The following C10orf67 variants were observed in gnomAD, a reference collection of about 807,000 sequenced individuals.
C10orf67 encodes the protein chromosome 10 open reading frame 67.
C10orf67 carries 60 observed loss-of-function variants against 35.6 expected under a neutral mutation model. That is an observed-to-expected ratio of 1.68 (90% CI 1.37 to 2.09). The LOEUF is 2.09. Ranked by LOEUF, C10orf67 falls within the 30% of genes most tolerant of loss-of-function variation. C10orf67 has a pLI of 0.00. For synonymous variants in C10orf67, 167 were observed against 115.8 expected (o/e 1.44, Z -2.84); for missense variants, 474 against 330.2 (o/e 1.44, Z -3.38).
intron 10 of C10orf67, among the ~76,000 whole-genome samples, chr10:23,256,795 A>G (rs1240030835): frequency 6.6e-6 from 1 of 152,254 alleles, no homozygotes; most frequent in East Asian, 1.9e-4. Context: ...ATCAGCAGCT[A>G]CTACAGGAAA....
chr10:23,325,308 A>C (rs1232036281), intron 2 of C10orf67, among the ~76,000 whole-genome samples: 2 of 152,030 alleles, frequency 1.3e-5, no homozygotes, highest in African/African-American at 4.8e-5. Context: ...ACTGCATTCC[A>C]CCCTGGGCAA....
chr10:23,343,050 TAAAC>T (rs1845967257), intron 1 of C10orf67, among the ~76,000 whole-genome samples: 1 of 152,148 alleles, frequency 6.6e-6, no homozygotes, highest in African/African-American at 2.4e-5. Context: ...ATTATCCAAA[TAAAC>T]AACAAAGCTA....
chr10:23,204,859 G>T (rs1841116606), intron 15 of C10orf67, among the ~76,000 whole-genome samples: 1 of 152,158 alleles, frequency 6.6e-6, no homozygotes, highest in Non-Finnish European at 1.5e-5. Flanking sequence ...AAGCGTTGGG[G>T]GTCTGAGACA....
chr10:23,297,679 G>C (rs1488141305), intron 5 of C10orf67, among the ~76,000 whole-genome samples: 3 of 152,188 alleles, frequency 2.0e-5, no homozygotes, highest in African/African-American at 7.2e-5. Context: ...GAGCGGCATA[G>C]GTTTGAGCAA....
intron 4 of C10orf67, among the ~76,000 whole-genome samples, chr10:23,305,020 C>G (rs1402494516): frequency 6.6e-6 from 1 of 152,148 alleles, no homozygotes; most frequent in Non-Finnish European, 1.5e-5. Flanking sequence ...TGGAGGCAAT[C>G]TTATCAGCTT....
intron 1 of C10orf67, among the ~76,000 whole-genome samples, chr10:23,340,681 C>G (rs1845851593): frequency 6.6e-6 from 1 of 152,182 alleles, no homozygotes; most frequent in South Asian, 2.1e-4. Context: ...TTCCAAATGT[C>G]TCTAATTTTA....
At chr10:23,307,145 CA>C (rs1451033307) in intron 4 of C10orf67, among the ~76,000 whole-genome samples, 9 of 151,714 alleles carry the variant, frequency 5.9e-5, no homozygotes, top group South Asian at 2.1e-4. Context: ...ATTACAAAAC[CA>C]AAAAAAGGAT....
chr10:23,224,154 T>C (rs2132108150), intron 13 of C10orf67, among the ~76,000 whole-genome samples: 1 of 152,296 alleles, frequency 6.6e-6, no homozygotes, highest in East Asian at 1.9e-4. Flanking sequence ...ACACCCCACA[T>C]GGCTGGGTAC....
intron 15 of C10orf67, among the ~76,000 whole-genome samples, chr10:23,214,260 T>G (rs1211707167): frequency 6.6e-6 from 1 of 152,126 alleles, no homozygotes; most frequent in African/African-American, 2.4e-5. Context: ...CATAAGAGAT[T>G]AGGCATACAA....
At chr10:23,265,389 A>G (rs144408640) in intron 10 of C10orf67, among the ~76,000 whole-genome samples, 2 of 152,364 alleles carry the variant, frequency 1.3e-5, no homozygotes, top group African/African-American at 2.4e-5. Flanking sequence ...TGCCCTGTGT[A>G]GGAGAAGAAG....
intron 8 of C10orf67, among the ~76,000 whole-genome samples, chr10:23,270,748 C>A (rs528289831): frequency 6.6e-5 from 10 of 152,356 alleles, no homozygotes; most frequent in African/African-American, 2.4e-4. Flanking sequence ...TTCTAGCCCA[C>A]CAGTTCTAGG....
At chr10:23,270,549 A>G (rs1842989982) in intron 8 of C10orf67, among the ~76,000 whole-genome samples, 1 of 152,210 alleles carries the variant, frequency 6.6e-6, no homozygotes, top group African/African-American at 2.4e-5. Flanking sequence ...TCCCCGGGGA[A>G]GGGGACTGAA....
rs1334674455 is a variant in C10orf67 at position 23,303,330 on chromosome 10, A to G, written c.676T>C (p.Tyr226His). ...ATTTTGTGAAATCCAAAATCTTTAT[A>G]TTGGTCTAGTTCTTCTTTTAATTCT... The part of the protein sequence containing the change: ...IKELKEELDQ[Y>H]KDFGFHKMES... Residue 226 changes from tyrosine (Y) to histidine (H), a missense_variant, in exon 5 of 16, where the codon TAT (tyrosine) becomes CAT (histidine). By Grantham distance (83) the Tyr-to-His change is moderately conservative. Transcript: ENST00000636213. 7 of 580,246 alleles carry G rather than the reference A, an allele frequency of 1.2e-5. No individual in the cohort carries two copies. In the South Asian group the frequency reaches 1.8e-4, roughly 15 times the overall value. The allele number at this position is 580,246 out of a possible 1,614,324, so 35.9% of individuals were successfully genotyped here.
At chr10:23,253,945 C>A (rs1842534367) in intron 10 of C10orf67, among the ~76,000 whole-genome samples, 1 of 152,146 alleles carries the variant, frequency 6.6e-6, no homozygotes, top group Admixed American at 6.5e-5. Flanking sequence ...TTCAACTTTG[C>A]TGCAACATGG....
At chr10:23,293,200 C>T (rs1445347652) in intron 5 of C10orf67, among the ~76,000 whole-genome samples, 2 of 152,178 alleles carry the variant, frequency 1.3e-5, no homozygotes, top group Non-Finnish European at 2.9e-5. Context: ...TACCTAACTA[C>T]GGGTTCTAAG....
At chr10:23,300,661 T>C (rs752152813) in intron 5 of C10orf67, among the ~76,000 whole-genome samples, 3 of 152,208 alleles carry the variant, frequency 2.0e-5, no homozygotes, top group Non-Finnish European at 4.4e-5. Flanking sequence ...TGTGTTGTAG[T>C]GGACATCATT....
At position 23,210,688 on chromosome 10, in the gene C10orf67, G is replaced by A. The variant is rs190135872; in HGVS notation, c.1571-6433C>T. On this transcript the variant is annotated intron_variant, in intron 15 of 15. Transcript: ENST00000636213. ...GCCCAACTCAGCCTCCCAAAGTACT[G>A]GGAGGATTACAGGTGTGAGCCACCA... Among the ~76,000 whole-genome samples the A allele has an allele frequency of 4.6e-5, 7 of 152,240 alleles. No homozygotes were observed. In the East Asian group the frequency reaches 9.6e-4, roughly 21 times the overall value.
intron 6 of C10orf67, 66 bp downstream of exon 6, chr10:23,291,066 A>G (rs1477293187): frequency 1.6e-6 from 1 of 631,968 alleles, no homozygotes; most frequent in Non-Finnish European, 2.9e-6. Context: ...AAAGACAAAC[A>G]TAGTTATGAG....
rs551352762 is a variant in C10orf67 at position 23,312,549 on chromosome 10, T to C, written c.546+8192A>G. 5.9e-5 allele frequency among the ~76,000 whole-genome samples: 9 copies of C among 152,324 alleles called. No homozygotes were observed. The East Asian group carries it at 1.7e-3, about 29-fold the overall frequency. On this transcript the variant is annotated intron_variant, in intron 4 of 15. Coordinates refer to ENST00000636213, the MANE Select transcript of C10orf67 (RefSeq NM_001371909.1). ...TCATTTAAATCTAAAAGCTGAACTC[T>C]AGGTGTACTCATTGCTATAGGAGTG...
Sources: allele counts gnomAD v4.1 joint callset (sites outside exome capture counted in the v4.1 genomes callset), GRCh38; gene constraint gnomAD v4.1.1; transcripts MANE v1.5; gene names NCBI Gene and HGNC (gene_info 2026-07-23, HGNC 2026-07-21).